The following BICC1 variants were observed in gnomAD, a reference collection of about 807,000 sequenced individuals.
BICC1 encodes BicC family RNA binding protein 1.
A neutral mutation model predicts 111.0 loss-of-function variants in BICC1; 43 were observed. The ratio of observed to expected loss-of-function variants is 0.39; its 90% confidence interval spans 0.30 to 0.50. The LOEUF is 0.50. BICC1 is among the 20% of genes least tolerant of loss of function. BICC1 has a pLI of 0.88. For missense variants in BICC1, 1,091 were observed against 1,203.2 expected, an observed-to-expected ratio of 0.91 and a Z score of 1.38; for synonymous variants, 467 against 434.4, an observed-to-expected ratio of 1.07 and a Z score of -0.93.
intron 1 of BICC1, among the ~76,000 whole-genome samples, chr10:58,600,147 C>T (rs1252537064): frequency 6.6e-6 from 1 of 152,096 alleles, no homozygotes; most frequent in Non-Finnish European, 1.5e-5. Context: ...GGGGGCTCCT[C>T]ACAGTTCATA....
At chr10:58,644,969 C>T (rs889500400) in intron 2 of BICC1, among the ~76,000 whole-genome samples, 16 of 152,104 alleles carry the variant, frequency 1.1e-4, no homozygotes, top group Non-Finnish European at 5.9e-5. Flanking sequence ...ATTATGTTCA[C>T]ATTCTAAAAG....
At chr10:58,821,272 C>T (rs1486966919) in intron 20 of BICC1, among the ~76,000 whole-genome samples, 2 of 152,074 alleles carry the variant, frequency 1.3e-5, no homozygotes, top group East Asian at 3.9e-4. Flanking sequence ...GTGTCCCAGT[C>T]TCAGAAAGAC....
chr10:58,635,360 T>C (rs1264500427), intron 2 of BICC1, among the ~76,000 whole-genome samples: 1 of 152,252 alleles, frequency 6.6e-6, no homozygotes, highest in Non-Finnish European at 1.5e-5. Flanking sequence ...TATTGTTTGA[T>C]GAAATGATTT....
chr10:58,545,477 G>C (rs1262934235), intron 1 of BICC1, among the ~76,000 whole-genome samples: 2 of 152,088 alleles, frequency 1.3e-5, no homozygotes, highest in Non-Finnish European at 2.9e-5. Flanking sequence ...CTGTGAGTTT[G>C]TGTAATTTGT....
chr10:58,530,962 C>G (rs917682206), intron 1 of BICC1, among the ~76,000 whole-genome samples: 47 of 151,902 alleles, frequency 3.1e-4, no homozygotes, highest in African/African-American at 1.0e-3. Context: ...TCACAGAACT[C>G]CAGTTTAAAA....
chr10:58,564,190 T>C lies in BICC1; in HGVS notation c.190+50857T>C, dbSNP rs12357486. Among the ~76,000 whole-genome samples the C allele has an allele frequency of 1.8e-3, 277 of 152,338 alleles. 1 individual carries two copies. Among genetic ancestry groups the C allele is most frequent in the Non-Finnish European group, 3.2e-3 (221 of 68,020 alleles). On this transcript the variant is annotated intron_variant, in intron 1 of 20. Coordinates refer to ENST00000373886, the MANE Select transcript of BICC1 (RefSeq NM_001080512.3). ...TTTCCTTTTCTTTTTCTTGACTGTT[T>C]AAAAAATTAAATGGTTTTGAAGGAA...
intron 8 of BICC1, among the ~76,000 whole-genome samples, chr10:58,792,053 A>G (rs987136262): frequency 6.6e-6 from 1 of 152,108 alleles, no homozygotes; most frequent in Non-Finnish European, 1.5e-5. Context: ...AAGCCTCCCA[A>G]AGTGCTGGGA....
chr10:58,758,631 A>G (rs1308187627), intron 3 of BICC1, among the ~76,000 whole-genome samples: 1 of 152,206 alleles, frequency 6.6e-6, no homozygotes, highest in Non-Finnish European at 1.5e-5. Flanking sequence ...GTAAATAATT[A>G]CCCAAAGCTG....
chr10:58,678,112 T>C (rs771673405), intron 2 of BICC1, among the ~76,000 whole-genome samples: 7 of 152,156 alleles, frequency 4.6e-5, no homozygotes, highest in Non-Finnish European at 1.0e-4. Context: ...ACACCATCGA[T>C]GCTAGGAAGA....
intron 1 of BICC1, among the ~76,000 whole-genome samples, chr10:58,571,995 C>G (rs190442057): frequency 3.2e-4 from 48 of 152,170 alleles, no homozygotes; most frequent in African/African-American, 1.1e-3. Flanking sequence ...TCGCAAGCAT[C>G]TTGTTGCTTT....
At chr10:58,524,556 T>C (rs1017075056) in intron 1 of BICC1, among the ~76,000 whole-genome samples, 13 of 152,254 alleles carry the variant, frequency 8.5e-5, no homozygotes, top group South Asian at 2.1e-4. Context: ...GATCAAAAAT[T>C]AATTCAAGAT....
chr10:58,762,854 T>A (rs768814210), intron 3 of BICC1, among the ~76,000 whole-genome samples: 3 of 152,200 alleles, frequency 2.0e-5, no homozygotes, highest in African/African-American at 7.2e-5. Context: ...ACCTTACAAG[T>A]ACATCACAGG....
intron 3 of BICC1, among the ~76,000 whole-genome samples, chr10:58,761,937 C>T (rs1284436810): frequency 6.6e-6 from 1 of 152,054 alleles, no homozygotes; most frequent in African/African-American, 2.4e-5. Context: ...AGGAAAGAAC[C>T]AGGAGTCTAA....
intron 2 of BICC1, among the ~76,000 whole-genome samples, chr10:58,654,247 G>A (rs1269090442): frequency 1.6e-5 from 2 of 125,750 alleles, no homozygotes; most frequent in Admixed American, 8.4e-5. Context: ...GATCCCTGAG[G>A]AATTGCCACA....
chr10:58,693,329 A>T (rs1281686241), intron 2 of BICC1, among the ~76,000 whole-genome samples: 1 of 152,196 alleles, frequency 6.6e-6, no homozygotes, highest in African/African-American at 2.4e-5. Flanking sequence ...ATACATGTGC[A>T]TGTGTCTTTA....
chr10:58,804,985 T>C (rs1477545052), intron 15 of BICC1, among the ~76,000 whole-genome samples: 1 of 152,150 alleles, frequency 6.6e-6, no homozygotes, highest in African/African-American at 2.4e-5. Context: ...TATTTCTTTT[T>C]CCCAACCCTC....
intron 1 of BICC1, among the ~76,000 whole-genome samples, chr10:58,532,143 A>G (rs1842697929): frequency 6.6e-6 from 1 of 151,842 alleles, no homozygotes; most frequent in South Asian, 2.1e-4. Flanking sequence ...CAACTTTCCA[A>G]AAACAAAAAT....
intron 1 of BICC1, among the ~76,000 whole-genome samples, chr10:58,517,580 C>T (rs1842275894): frequency 6.6e-6 from 1 of 152,166 alleles, no homozygotes; most frequent in African/African-American, 2.4e-5. Flanking sequence ...AGTTTTCTAG[C>T]TAATGCTTGA....
chr10:58,691,316 A>G (rs776434352), intron 2 of BICC1, among the ~76,000 whole-genome samples: 9 of 152,198 alleles, frequency 5.9e-5, no homozygotes, highest in Non-Finnish European at 1.2e-4. Context: ...GTTCAAGTTT[A>G]ATAAATCTCT....
Sources: allele counts gnomAD v4.1 joint callset (sites outside exome capture counted in the v4.1 genomes callset), GRCh38; gene constraint gnomAD v4.1.1; transcripts MANE v1.5; gene names NCBI Gene and HGNC (gene_info 2026-07-23, HGNC 2026-07-21).